Variants in PTGER3 observed in about 807,000 individuals in gnomAD.
The protein encoded by PTGER3 is prostaglandin E receptor 3, also known as prostaglandin E2 receptor EP3 subtype.
A neutral mutation model predicts 34.7 loss-of-function variants in PTGER3; 22 were observed. The ratio of observed to expected loss-of-function variants is 0.63; its 90% CI spans 0.45 to 0.91. PTGER3 has a LOEUF of 0.91. Among genes scored for constraint, PTGER3 ranks in the 40% least tolerant of loss-of-function variants. The probability of loss-of-function intolerance (pLI) is 0.00; values close to 1 mark genes in which losing one functional copy is unlikely to be tolerated. For missense variants in PTGER3, 468 were observed against 519.4 expected (o/e 0.90, Z 0.96); for synonymous variants, 241 against 230.1 (o/e 1.05, Z -0.43).
At position 71,016,802 on chromosome 1, in the gene PTGER3, C is replaced by CA. The variant is rs3044612; in HGVS notation, c.898-4319dup. 8.2e-3 allele frequency among the ~76,000 whole-genome samples: 1,071 copies of CA among 130,034 alleles called. 9 individuals are homozygous for CA. Among genetic ancestry groups the CA allele is most frequent in the African/African-American group, 0.022 (724 of 32,914 alleles). 85.3% of individuals were successfully genotyped at this position (130,034 alleles called of 152,430 possible). ...TGGATGACAGAGTGAGACTTGGGCT[C>CA]AAAAAAAAAAAAATTGTATGTATAT... On this transcript the variant is annotated intron_variant, in intron 1 of 3. Coordinates refer to ENST00000306666, the MANE Select transcript of PTGER3 (RefSeq NM_198719.2).
At chr1:70,873,494 T>G (rs1646206300) in intron 4 of PTGER3, among the ~76,000 whole-genome samples, 1 of 152,240 alleles carries the variant, frequency 6.6e-6, no homozygotes, top group Admixed American at 6.5e-5. Flanking sequence ...TGTGTCTGTG[T>G]ACTCTGACAT....
chr1:70,860,319 T>C (rs1645901219), intron 4 of PTGER3, among the ~76,000 whole-genome samples: 1 of 152,226 alleles, frequency 6.6e-6, no homozygotes, highest in South Asian at 2.1e-4. Flanking sequence ...CATTTCATTA[T>C]AACATTGATG....
At chr1:70,943,731 C>T (rs1293324304) in intron 4 of PTGER3, among the ~76,000 whole-genome samples, 1 of 151,830 alleles carries the variant, frequency 6.6e-6, no homozygotes, top group Non-Finnish European at 1.5e-5. Flanking sequence ...TAGTTTTGAT[C>T]TCTTCTGAGT....
chr1:70,872,166 T>C (rs1646176761), intron 4 of PTGER3, among the ~76,000 whole-genome samples: 1 of 152,238 alleles, frequency 6.6e-6, no homozygotes, highest in African/African-American at 2.4e-5. Flanking sequence ...TGAGGTTTAT[T>C]GGACACGTTG....
intron 4 of PTGER3, among the ~76,000 whole-genome samples, chr1:70,867,426 T>C (rs1646066201): frequency 2.0e-5 from 3 of 152,172 alleles, no homozygotes; most frequent in Admixed American, 1.3e-4. Flanking sequence ...TTACTTGCAA[T>C]TAAAAATGTC....
At chr1:71,027,606 A>G (rs1442368601) in intron 1 of PTGER3, among the ~76,000 whole-genome samples, 10 of 152,220 alleles carry the variant, frequency 6.6e-5, no homozygotes, top group African/African-American at 2.2e-4. Context: ...ATGTATTGAC[A>G]TAGTCCCCCC....
intron 2 of PTGER3, among the ~76,000 whole-genome samples, chr1:70,957,824 T>C (rs1651505335): frequency 6.6e-6 from 1 of 152,200 alleles, no homozygotes; most frequent in Non-Finnish European, 1.5e-5. Flanking sequence ...GTTGCAGCAA[T>C]TGACCAACCT....
chr1:70,888,346 A>G (rs1646542657), intron 4 of PTGER3, among the ~76,000 whole-genome samples: 1 of 152,230 alleles, frequency 6.6e-6, no homozygotes, highest in Non-Finnish European at 1.5e-5. Flanking sequence ...ATCAAAATGT[A>G]TCTATGTAGA....
intron 2 of PTGER3, among the ~76,000 whole-genome samples, chr1:70,954,869 A>G (rs1651156846): frequency 6.6e-6 from 1 of 152,092 alleles, no homozygotes; most frequent in South Asian, 2.1e-4. Flanking sequence ...CAAATATACT[A>G]CTGAAAATGA....
At chr1:71,020,096 G>T (rs1331799771) in intron 1 of PTGER3, among the ~76,000 whole-genome samples, 2 of 152,128 alleles carry the variant, frequency 1.3e-5, no homozygotes, top group Admixed American at 6.6e-5. Context: ...TGAAGGATTT[G>T]CATGGGAAGA....
Position 70,895,109 on chromosome 1 carries a change from C to T in PTGER3, c.*24-42250G>A, listed in dbSNP as rs945303173. ...ATTATTGACATCTCAATACTGAGTT[C>T]CCCCCAGCACCAGGAGCAAGAGCAT... On this transcript the variant is annotated intron_variant, in intron 4 of 4. Coordinates refer to the PTGER3 transcript ENST00000370931. Among the ~76,000 whole-genome samples the T allele has an allele frequency of 1.2e-4, 18 of 152,102 alleles. No individual in the cohort carries two copies. The South Asian group carries it at 3.3e-3, about 28-fold the overall frequency.
intron 4 of PTGER3, among the ~76,000 whole-genome samples, chr1:70,875,908 A>G (rs1646262027): frequency 6.6e-6 from 1 of 152,184 alleles, no homozygotes; most frequent in Admixed American, 6.5e-5. Context: ...ATACGCACCC[A>G]TGAGTCTTTA....
intron 2 of PTGER3, chr1:71,009,002 A>G (rs1204197457): frequency 2.0e-6 from 2 of 983,766 alleles, no homozygotes; most frequent in African/African-American, 3.5e-5. Flanking sequence ...AAAGTTTTCT[A>G]TTTTCTTTTT....
At chr1:70,973,121 CGT>C (rs71898506) in intron 3 of PTGER3, among the ~76,000 whole-genome samples, 93,328 of 143,710 alleles carry the variant, frequency 0.65, 30,348 homozygotes, top group East Asian at 0.89. Flanking sequence ...CCAGTGTGCA[CGT>C]GTGTGTGTGT....
intron 2 of PTGER3, chr1:71,007,117 A>G: frequency 2.0e-6 from 2 of 984,930 alleles, no homozygotes; most frequent in African/African-American, 1.7e-5. Context: ...TTAATCAAGT[A>G]TATAGAGATG....
intron 2 of PTGER3, chr1:71,008,904 C>T: frequency 2.0e-6 from 2 of 976,584 alleles, no homozygotes; most frequent in South Asian, 4.7e-5. Flanking sequence ...CATTCAGCTC[C>T]TAGAATCCTG....
chr1:70,886,400 C>A (rs1311390831), intron 4 of PTGER3: 1 of 377,784 alleles, frequency 2.6e-6, no homozygotes, highest in Non-Finnish European at 5.4e-6. Flanking sequence ...CCAAACTGAC[C>A]AAAACAGGGA....
chr1:70,863,766 C>CGAAGGTAG (rs1557612113), intron 4 of PTGER3, among the ~76,000 whole-genome samples: 1 of 150,700 alleles, frequency 6.6e-6, no homozygotes, highest in African/African-American at 2.4e-5. Flanking sequence ...ACAACCTGAA[C>CGAAGGTAG]GAAGGTAGAA....
chr1:70,906,884 G>T (rs1646959795), intron 4 of PTGER3, among the ~76,000 whole-genome samples: 1 of 152,156 alleles, frequency 6.6e-6, no homozygotes, highest in Admixed American at 6.5e-5. Context: ...TTTGCATTAT[G>T]AATGCAGATG....
Sources: allele counts gnomAD v4.1 joint callset (sites outside exome capture counted in the v4.1 genomes callset), GRCh38; gene constraint gnomAD v4.1.1; transcripts MANE v1.5; gene names NCBI Gene and HGNC (gene_info 2026-07-23, HGNC 2026-07-21).